The following GABBR2 variants were observed in gnomAD, a reference collection of about 807,000 sequenced individuals.
GABBR2 encodes the protein G-protein coupled receptor 51.
Under a neutral mutation model 105.6 loss-of-function variants are expected in GABBR2, and 23 were observed. That is an observed-to-expected ratio of 0.22 (90% CI 0.16 to 0.31). The LOEUF (loss-of-function observed/expected upper bound fraction) is 0.31. Among genes scored for constraint, GABBR2 ranks in the 10% least tolerant of loss-of-function variants. The pLI, the probability that GABBR2 is intolerant of heterozygous loss-of-function variation, is 1.00. For missense variants in GABBR2, 734 were observed against 1,245.5 expected (o/e 0.59, Z 6.18); for synonymous variants, 478 against 499.7 (o/e 0.96, Z 0.58).
At chr9:98,332,685 T>C (rs1831048756) in intron 13 of GABBR2, among the ~76,000 whole-genome samples, 1 of 152,252 alleles carries the variant, frequency 6.6e-6, no homozygotes, top group African/African-American at 2.4e-5. Context: ...CTGCCATATA[T>C]TTTTAATAAT....
intron 8 of GABBR2, among the ~76,000 whole-genome samples, chr9:98,402,658 C>G (rs773122099): frequency 6.6e-6 from 1 of 152,040 alleles, no homozygotes; most frequent in Non-Finnish European, 1.5e-5. Context: ...TGTGGGCAAC[C>G]GAGGCTCAGT....
intron 6 of GABBR2, among the ~76,000 whole-genome samples, chr9:98,464,534 C>A (rs4742730): frequency 0.041 from 6,058 of 148,676 alleles, 196 homozygotes; most frequent in East Asian, 0.14. Flanking sequence ...AGGTGGGGGG[C>A]GCCTCTGCCC....
chr9:98,449,855 T>C (rs1030066109), intron 7 of GABBR2, among the ~76,000 whole-genome samples: 3 of 152,142 alleles, frequency 2.0e-5, no homozygotes, highest in Non-Finnish European at 4.4e-5. Context: ...ATCAGAGAGA[T>C]GTACGGCACC....
intron 2 of GABBR2, among the ~76,000 whole-genome samples, chr9:98,550,110 T>G (rs1279201408): frequency 2.0e-5 from 3 of 152,182 alleles, no homozygotes; most frequent in African/African-American, 7.2e-5. Flanking sequence ...AGTATACAAA[T>G]TTAGTATAAC....
chr9:98,587,447 T>C (rs758411443), intron 1 of GABBR2, among the ~76,000 whole-genome samples: 8 of 152,204 alleles, frequency 5.3e-5, no homozygotes, highest in Non-Finnish European at 1.0e-4. Flanking sequence ...CAATCCTTCC[T>C]TGGTGCCCAG....
At chr9:98,608,609 A>T (rs923563084) in intron 1 of GABBR2, among the ~76,000 whole-genome samples, 1 of 152,180 alleles carries the variant, frequency 6.6e-6, no homozygotes, top group African/African-American at 2.4e-5. Context: ...AACACAGTTG[A>T]CCCTATGTTT....
chr9:98,332,272 C>T (rs1049468160), intron 13 of GABBR2, among the ~76,000 whole-genome samples: 2 of 152,158 alleles, frequency 1.3e-5, no homozygotes, highest in Non-Finnish European at 2.9e-5. Context: ...CACGTTTGCT[C>T]TTGGCAGCAG....
At chr9:98,356,128 G>A (rs1389835371) in intron 13 of GABBR2, among the ~76,000 whole-genome samples, 1 of 152,138 alleles carries the variant, frequency 6.6e-6, no homozygotes, top group Non-Finnish European at 1.5e-5. Flanking sequence ...GTAACTTTGT[G>A]TTTGGCAATG....
intron 12 of GABBR2, among the ~76,000 whole-genome samples, chr9:98,369,617 A>G (rs996226546): frequency 1.3e-5 from 2 of 152,224 alleles, no homozygotes; most frequent in Non-Finnish European, 2.9e-5. Flanking sequence ...TGTTGGCCTC[A>G]CTGCTCGGGC....
intron 2 of GABBR2, among the ~76,000 whole-genome samples, chr9:98,573,937 T>A (rs1828874916): frequency 6.6e-6 from 1 of 152,212 alleles, no homozygotes; most frequent in African/African-American, 2.4e-5. Flanking sequence ...GGAGAAGATA[T>A]CACCCCCTAT....
chr9:98,544,470 C>T (rs1017284184), intron 2 of GABBR2, among the ~76,000 whole-genome samples: 6 of 152,270 alleles, frequency 3.9e-5, no homozygotes, highest in African/African-American at 9.6e-5. Context: ...ACCCCAAGAC[C>T]GGTAAAGGTC....
intron 1 of GABBR2, among the ~76,000 whole-genome samples, chr9:98,689,967 G>T (rs906759643): frequency 6.6e-6 from 1 of 152,138 alleles, no homozygotes; most frequent in African/African-American, 2.4e-5. Flanking sequence ...AACAAAAATA[G>T]ATAGCTCAAT....
intron 3 of GABBR2, among the ~76,000 whole-genome samples, chr9:98,504,537 T>G (rs1284585204): frequency 6.6e-6 from 1 of 152,184 alleles, no homozygotes; most frequent in Non-Finnish European, 1.5e-5. Flanking sequence ...AAATTCTAAT[T>G]AGGTTACGAA....
intron 3 of GABBR2, among the ~76,000 whole-genome samples, chr9:98,522,872 T>G (rs1827892817): frequency 6.6e-6 from 1 of 152,032 alleles, no homozygotes; most frequent in Non-Finnish European, 1.5e-5. Context: ...ATGTAAAGAG[T>G]AAAATCAAAT....
chr9:98,493,864 G>C (rs747997182), intron 4 of GABBR2, among the ~76,000 whole-genome samples: 28 of 152,194 alleles, frequency 1.8e-4, no homozygotes, highest in South Asian at 2.1e-4. Flanking sequence ...ACAGAAGAGT[G>C]ACCAAGACAG....
chr9:98,555,737 G>C (rs749803527), intron 2 of GABBR2: 2 of 152,336 alleles, frequency 1.3e-5, no homozygotes, highest in Non-Finnish European at 2.9e-5. Flanking sequence ...CAGGGGTCGG[G>C]GGTGCTGGGG....
At chr9:98,475,896 G>A (rs1035037532) in intron 5 of GABBR2, among the ~76,000 whole-genome samples, 16 of 152,142 alleles carry the variant, frequency 1.1e-4, no homozygotes, top group African/African-American at 3.9e-4. Context: ...AACCTTGTCT[G>A]TACTAAAAAA....
chr9:98,664,200 G>A (rs2131855564), intron 1 of GABBR2, among the ~76,000 whole-genome samples: 1 of 152,302 alleles, frequency 6.6e-6, no homozygotes, highest in East Asian at 1.9e-4. Flanking sequence ...CACTTTCCTA[G>A]CCAAAATATT....
rs1200467174 is a variant in GABBR2, at chr9:98,431,926, C to T, written c.1236+22055G>A. On this transcript the variant is annotated intron_variant, in intron 7 of 18. Coordinates refer to ENST00000259455, the MANE Select transcript of GABBR2 (RefSeq NM_005458.8). ...ATCACTATTTTTTGAGATGGAGTCT[C>T]GTTCTGCTGCCCAGGCTGGTGTGTA... is the stretch of plus-strand genomic sequence containing the variant. Among the ~76,000 whole-genome samples, 10 of 152,118 alleles carry T rather than the reference C, an allele frequency of 6.6e-5. No individual in the cohort carries two copies. The South Asian group carries it at 1.2e-3, about 19-fold the overall frequency.
Sources: allele counts gnomAD v4.1 joint callset (sites outside exome capture counted in the v4.1 genomes callset), GRCh38; gene constraint gnomAD v4.1.1; transcripts MANE v1.5; gene names NCBI Gene and HGNC (gene_info 2026-07-23, HGNC 2026-07-21).